The following RPH3A variants were observed in gnomAD, a reference collection of about 807,000 sequenced individuals.
RPH3A encodes rabphilin-3A.
In RPH3A, 48 loss-of-function variants were observed where a neutral mutation model predicts 102.2. The observed-to-expected ratio is 0.47, with a 90% CI of 0.37 to 0.60. RPH3A has a LOEUF of 0.60. RPH3A is among the 20% of genes least tolerant of loss of function. RPH3A has a pLI of 0.00. For missense variants in RPH3A, 781 were observed against 910.1 expected, an observed-to-expected ratio of 0.86 and a Z score of 1.83; for synonymous variants, 310 against 324.3, an observed-to-expected ratio of 0.96 and a Z score of 0.47.
chr12:112,895,965 G>A (rs1378248441), intron 21 of RPH3A, 92 bp downstream of exon 21: 2 of 857,866 alleles, frequency 2.3e-6, no homozygotes, highest in East Asian at 5.2e-5. Flanking sequence ...TGAGGTCATT[G>A]CTATTCTTTT....
At chr12:112,811,297 A>G (rs1392943387) in intron 2 of RPH3A, among the ~76,000 whole-genome samples, 1 of 152,138 alleles carries the variant, frequency 6.6e-6, no homozygotes, top group Non-Finnish European at 1.5e-5. Flanking sequence ...ACCTCATTTA[A>G]TATACTGTTG....
intron 1 of RPH3A, among the ~76,000 whole-genome samples, chr12:112,754,099 T>C (rs940683338): frequency 1.3e-5 from 2 of 152,204 alleles, no homozygotes; most frequent in African/African-American, 4.8e-5. Context: ...GGCTTCTGAC[T>C]GTCAGAACTG....
At chr12:112,664,783 G>A (rs1248657699) in intron 1 of RPH3A, among the ~76,000 whole-genome samples, 1 of 152,068 alleles carries the variant, frequency 6.6e-6, no homozygotes, top group African/African-American at 2.4e-5. Flanking sequence ...TGAGAGGATG[G>A]ACAGCACCAC....
intron 2 of RPH3A, among the ~76,000 whole-genome samples, chr12:112,795,064 G>A (rs775958084): frequency 5.3e-5 from 8 of 152,172 alleles, no homozygotes; most frequent in South Asian, 2.1e-4. Context: ...TTATTGCTCC[G>A]TACACAGACT....
rs117267839 is a variant in RPH3A at position 112,689,008 on chromosome 12, G to T, written c.-139-103135G>T. 3.6e-4 allele frequency among the ~76,000 whole-genome samples: 55 copies of T among 152,280 alleles called. No individual in the cohort carries two copies. The East Asian group carries it at 9.1e-3, about 25-fold the overall frequency. ...GATCTTTTAACACTGTGACTGACTT[G>T]CTATCATCAACTCCATATACTTTTC... On this transcript the variant is annotated intron_variant, in intron 1 of 21. Transcript: ENST00000543106.
intron 1 of RPH3A, among the ~76,000 whole-genome samples, chr12:112,757,240 G>A (rs944029760): frequency 6.6e-6 from 1 of 152,124 alleles, no homozygotes; most frequent in Non-Finnish European, 1.5e-5. Flanking sequence ...GCTTTTCATC[G>A]CGTTCTTTGA....
At chr12:112,701,290 A>G (rs903300465) in intron 1 of RPH3A, among the ~76,000 whole-genome samples, 3 of 152,204 alleles carry the variant, frequency 2.0e-5, no homozygotes, top group Non-Finnish European at 2.9e-5. Context: ...AGGTGTAATG[A>G]TAGATGGGGG....
chr12:112,723,221 TAAC>T (rs1434547531), intron 1 of RPH3A, among the ~76,000 whole-genome samples: 1 of 152,162 alleles, frequency 6.6e-6, no homozygotes, highest in Non-Finnish European at 1.5e-5. Flanking sequence ...CCCCAAAACT[TAAC>T]TACTAATAGC....
At chr12:112,806,284 CATTGGGAGA>C in intron 2 of RPH3A, among the ~76,000 whole-genome samples, 1 of 152,294 alleles carries the variant, frequency 6.6e-6, no homozygotes, top group South Asian at 2.1e-4. Flanking sequence ...AAAGAAAGCA[CATTGGGAGA>C]AAAGAGAATG....
intron 1 of RPH3A, among the ~76,000 whole-genome samples, chr12:112,756,665 A>G (rs1346181090): frequency 6.6e-6 from 1 of 152,228 alleles, no homozygotes; most frequent in Non-Finnish European, 1.5e-5. Context: ...AAAGACATCT[A>G]GGTTGTTCCC....
intron 1 of RPH3A, among the ~76,000 whole-genome samples, chr12:112,622,141 C>T (rs1286422749): frequency 2.6e-4 from 35 of 133,086 alleles, no homozygotes; most frequent in Admixed American, 2.0e-3. Flanking sequence ...AACTCTAAAA[C>T]GCAGAGCGCC....
intron 4 of RPH3A, among the ~76,000 whole-genome samples, chr12:112,847,143 A>G (rs1445415572): frequency 6.6e-6 from 1 of 152,184 alleles, no homozygotes; most frequent in Non-Finnish European, 1.5e-5. Flanking sequence ...GGGCACCAAT[A>G]GATGTTATGT....
chr12:112,616,720 G>GAACATTCTCCTTTCC (rs2039682770), intron 1 of RPH3A, among the ~76,000 whole-genome samples: 1 of 152,308 alleles, frequency 6.6e-6, no homozygotes, highest in East Asian at 1.9e-4. Flanking sequence ...GGACCTCAAG[G>GAACATTCTCCTTTCC]AACATTCTCC....
intron 1 of RPH3A, among the ~76,000 whole-genome samples, chr12:112,683,557 C>A (rs2040241364): frequency 1.3e-5 from 2 of 152,078 alleles, no homozygotes; most frequent in Non-Finnish European, 2.9e-5. Flanking sequence ...ACTGAGGATA[C>A]CAGAAAACCA....
chr12:112,745,346 T>A lies in RPH3A; in HGVS notation c.-139-46797T>A, dbSNP rs564211703. On this transcript the variant is annotated intron_variant, in intron 1 of 21. Coordinates refer to the RPH3A transcript ENST00000543106. ...AAAGATACAGTTTCCCCCTTTGTAA[T>A]GAATAAGAGATTTGTGGGGAGATAC... Among the ~76,000 whole-genome samples, 3 of 152,330 alleles carry A rather than the reference T, an allele frequency of 2.0e-5. No individual in the cohort carries two copies. In the South Asian group the frequency reaches 6.2e-4, roughly 32 times the overall value.
At chr12:112,783,305 G>A (rs1005363818) in intron 1 of RPH3A, among the ~76,000 whole-genome samples, 2 of 152,116 alleles carry the variant, frequency 1.3e-5, no homozygotes, top group East Asian at 1.9e-4. Context: ...TGGTTACATG[G>A]CATTGCCCCA....
At chr12:112,790,813 C>T (rs1310473846), upstream of RPH3A, among the ~76,000 whole-genome samples, 8 of 152,220 alleles carry the variant, frequency 5.3e-5, no homozygotes, top group Non-Finnish European at 1.2e-4. Context: ...ACTCAAACCA[C>T]CTGCTGAAGG....
At chr12:112,811,651 T>C (rs1432667978) in intron 2 of RPH3A, among the ~76,000 whole-genome samples, 2 of 152,158 alleles carry the variant, frequency 1.3e-5, no homozygotes, top group Non-Finnish European at 2.9e-5. Context: ...TTTTGGTCAC[T>C]CTGTGCATGT....
intron 1 of RPH3A, among the ~76,000 whole-genome samples, chr12:112,660,928 G>A (rs75479266): frequency 0.02 from 3,068 of 152,264 alleles, 48 homozygotes; most frequent in Non-Finnish European, 0.029. Flanking sequence ...AGCCTCAGGA[G>A]AATAGACAAG....
Sources: allele counts gnomAD v4.1 joint callset (sites outside exome capture counted in the v4.1 genomes callset), GRCh38; gene constraint gnomAD v4.1.1; transcripts MANE v1.5; gene names NCBI Gene and HGNC (gene_info 2026-07-23, HGNC 2026-07-21).